The following LRBA variants were observed in gnomAD, a reference collection of about 807,000 sequenced individuals.
The protein encoded by LRBA is LPS responsive beige-like anchor protein.
In LRBA, 176 loss-of-function variants were observed where a neutral mutation model predicts 330.0. The observed-to-expected ratio is 0.53, with a 90% CI of 0.47 to 0.60. LRBA has a LOEUF of 0.60. Ranked by LOEUF, LRBA falls within the 20% of genes least tolerant of loss-of-function variation. The pLI, the probability that LRBA is intolerant of heterozygous loss-of-function variation, is 0.00. For missense variants in LRBA, 3,259 were observed against 3,444.8 expected, an observed-to-expected ratio of 0.95 and a Z score of 1.35; for synonymous variants, 1,230 against 1,193.0, an observed-to-expected ratio of 1.03 and a Z score of -0.64.
intron 2 of LRBA, among the ~76,000 whole-genome samples, chr4:150,976,360 T>C (rs1740176367): frequency 6.6e-6 from 1 of 152,156 alleles, no homozygotes; most frequent in Admixed American, 6.5e-5. Flanking sequence ...TCACTAATGA[T>C]GCAGAGCTCA....
At chr4:150,858,514 G>A (rs565562947) in intron 22 of LRBA, among the ~76,000 whole-genome samples, 8 of 152,038 alleles carry the variant, frequency 5.3e-5, no homozygotes, top group African/African-American at 1.7e-4. Flanking sequence ...CATGAAATGC[G>A]GACATTTTGT....
intron 37 of LRBA, among the ~76,000 whole-genome samples, chr4:150,612,643 G>A (rs895683860): frequency 6.6e-6 from 1 of 151,810 alleles, no homozygotes; most frequent in African/African-American, 2.4e-5. Context: ...TCTCTACTTT[G>A]GCTTAATTAT....
At position 150,524,290 on chromosome 4, in the gene LRBA, C is replaced by A. The variant is rs542846595; in HGVS notation, c.6331-33255G>T. Reference sequence around the variant, plus strand: ...ACTACCTTCCTGACAGTACTTTTCACCTAGGCAAATGATTGTACTCCATAA... The same window carrying A: ...ACTACCTTCCTGACAGTACTTTTCAACTAGGCAAATGATTGTACTCCATAA... On this transcript the variant is annotated intron_variant, in intron 40 of 56. Coordinates refer to ENST00000651943, the MANE Select transcript of LRBA (RefSeq NM_001364905.1). Among the ~76,000 whole-genome samples, 3 of 152,230 alleles carry A rather than the reference C, an allele frequency of 2.0e-5. No homozygotes were observed. In the East Asian group the frequency reaches 5.8e-4, roughly 29 times the overall value.
chr4:150,910,921 C>T (rs944605050), intron 9 of LRBA, among the ~76,000 whole-genome samples: 1 of 152,102 alleles, frequency 6.6e-6, no homozygotes, highest in Non-Finnish European at 1.5e-5. Flanking sequence ...GAGTTTATTT[C>T]TAAGTATTTT....
At chr4:150,415,649 C>A in intron 46 of LRBA, 59 bp from the exon 47 acceptor site, 5 of 990,672 alleles carry the variant, frequency 5.0e-6, no homozygotes, top group Middle Eastern at 2.2e-4. Flanking sequence ...ACTAGATATT[C>A]AAAAAAAGGA....
chr4:150,927,280 G>A lies in LRBA; in HGVS notation c.549+1236C>T, dbSNP rs563482311. On this transcript the variant is annotated intron_variant, in intron 4 of 56. Transcript: ENST00000651943. ...CCCAGCTACTTGGGAGGCTGAGGCA[G>A]GAGGATGGCATGAACCCGGGAGGCA... 4.2e-4 allele frequency among the ~76,000 whole-genome samples: 63 copies of A among 151,640 alleles called. No homozygotes were observed. In the South Asian group the frequency reaches 0.013, roughly 30 times the overall value.
At chr4:151,000,466 C>T (rs1743206411) in intron 2 of LRBA, among the ~76,000 whole-genome samples, 1 of 152,198 alleles carries the variant, frequency 6.6e-6, no homozygotes, top group Non-Finnish European at 1.5e-5. Flanking sequence ...AACATCACTA[C>T]TCTTGTCCCG....
intron 9 of LRBA, among the ~76,000 whole-genome samples, chr4:150,913,884 A>G (rs1389164450): frequency 6.6e-6 from 1 of 152,202 alleles, no homozygotes; most frequent in Non-Finnish European, 1.5e-5. Context: ...ATTTGTGGGT[A>G]CATTTTAGGT....
At chr4:150,833,941 C>T (rs1321144890) in intron 28 of LRBA, among the ~76,000 whole-genome samples, 2 of 152,182 alleles carry the variant, frequency 1.3e-5, no homozygotes, top group African/African-American at 2.4e-5. Context: ...ACAATGTTCA[C>T]AGTATCTTCA....
intron 47 of LRBA, among the ~76,000 whole-genome samples, chr4:150,376,025 G>C (rs1741264686): frequency 6.6e-6 from 1 of 152,142 alleles, no homozygotes; most frequent in Non-Finnish European, 1.5e-5. Context: ...ATGGAATCCA[G>C]ATAGGTAAAA....
At chr4:150,737,636 GA>G (rs144188391) in intron 35 of LRBA, among the ~76,000 whole-genome samples, 4,218 of 147,720 alleles carry the variant, frequency 0.029, 183 homozygotes, top group African/African-American at 0.098. Context: ...ACCACTGTGG[GA>G]AAAAAAAAAG....
At chr4:150,849,719 G>A in intron 24 of LRBA, 144 bp from the exon 25 acceptor site, 2 of 635,524 alleles carry the variant, frequency 3.1e-6, no homozygotes, top group Non-Finnish European at 5.5e-6. Flanking sequence ...TTTGGAGGGT[G>A]TATACTTCTT....
chr4:150,764,982 A>G (rs1366294000), intron 34 of LRBA, among the ~76,000 whole-genome samples: 3 of 152,070 alleles, frequency 2.0e-5, no homozygotes, highest in Non-Finnish European at 4.4e-5. Flanking sequence ...GATTTATAGC[A>G]GCTTTATTCA....
chr4:150,814,623 A>G (rs1028902416), intron 31 of LRBA, among the ~76,000 whole-genome samples: 1 of 151,894 alleles, frequency 6.6e-6, no homozygotes, highest in Non-Finnish European at 1.5e-5. Context: ...TGAAAAAGCA[A>G]TAACTGTTTT....
intron 56 of LRBA, among the ~76,000 whole-genome samples, chr4:150,268,495 C>T (rs1311746408): frequency 3.3e-5 from 5 of 152,152 alleles, no homozygotes; most frequent in Admixed American, 2.6e-4. Flanking sequence ...ACACACAGAC[C>T]AGGATACAAA....
In LRBA at chr4:150,852,816, A is replaced by C; in HGVS notation, c.2894T>G (p.Ile965Ser). ...VQAASGIRRD[I>S]NVSVGSQQPD... ...TTGCTGGGATCCTACTGAAACATTA[A>C]TATCCCTTCTAATGCCAGAGGCTGC... The change falls in exon 23 of 57, where the codon ATT becomes AGT. Residue 965 changes from isoleucine to serine, a missense_variant. Ile to Ser is a moderately radical substitution (Grantham distance 142). Transcript: ENST00000651943. 6.2e-7 allele frequency: 1 copy of C among 1,613,992 alleles called. No homozygotes were observed. The highest frequency in any genetic ancestry group is 1.7e-5 in the Admixed American group (1 of 60,002).
intron 36 of LRBA, among the ~76,000 whole-genome samples, chr4:150,718,962 C>T (rs983864311): frequency 2.0e-5 from 3 of 151,988 alleles, no homozygotes; most frequent in African/African-American, 7.2e-5. Context: ...CTACTTCATG[C>T]TATTTTCAAA....
intron 4 of LRBA, 90 bp from the exon 5 acceptor site, chr4:150,921,383 C>T: frequency 1.3e-6 from 1 of 765,590 alleles, no homozygotes. Context: ...GTAATATATA[C>T]AGGAATAATG....
At chr4:150,730,909 T>C (rs1159780991) in intron 36 of LRBA, among the ~76,000 whole-genome samples, 1 of 151,860 alleles carries the variant, frequency 6.6e-6, no homozygotes, top group Non-Finnish European at 1.5e-5. Flanking sequence ...TCCCAGCTAC[T>C]TGGGTGGCTG....
Sources: allele counts gnomAD v4.1 joint callset (sites outside exome capture counted in the v4.1 genomes callset), GRCh38; gene constraint gnomAD v4.1.1; transcripts MANE v1.5; gene names NCBI Gene and HGNC (gene_info 2026-07-23, HGNC 2026-07-21).